Variants in LRMDA observed in about 807,000 individuals in gnomAD.
LRMDA encodes leucine-rich melanocyte differentiation-associated protein.
In LRMDA, 18 loss-of-function variants were observed where a neutral mutation model predicts 29.8. That is an observed-to-expected ratio of 0.60 (90% CI 0.42 to 0.90). The LOEUF (loss-of-function observed/expected upper bound fraction) is 0.90. Among genes scored for constraint, LRMDA ranks in the 40% least tolerant of loss-of-function variants. The pLI, the probability that LRMDA is intolerant of heterozygous loss-of-function variation, is 0.00. For synonymous variants in LRMDA, 125 were observed against 109.4 expected, an observed-to-expected ratio of 1.14 and a Z score of -0.89; for missense variants, 273 against 273.9, an observed-to-expected ratio of 1.00 and a Z score of 0.02.
chr10:76,235,768 A>G (rs1208143573), intron 5 of LRMDA, among the ~76,000 whole-genome samples: 1 of 152,214 alleles, frequency 6.6e-6, no homozygotes, highest in Non-Finnish European at 1.5e-5. Context: ...TGTATGACGA[A>G]TAAGGGTTGT....
intron 5 of LRMDA, among the ~76,000 whole-genome samples, chr10:76,246,992 G>A (rs80199026): frequency 0.058 from 8,895 of 152,190 alleles, 352 homozygotes; most frequent in African/African-American, 0.1. Context: ...GAAAACAATG[G>A]ATTTAAATGC....
intron 6 of LRMDA, among the ~76,000 whole-genome samples, chr10:76,505,479 A>G (rs1026848656): frequency 1.3e-5 from 2 of 152,026 alleles, no homozygotes; most frequent in South Asian, 2.1e-4. Context: ...TTTTTAAAAA[A>G]TTTTTATCTG....
intron 2 of LRMDA, among the ~76,000 whole-genome samples, chr10:75,862,852 G>A (rs1281534895): frequency 6.6e-6 from 1 of 152,142 alleles, no homozygotes; most frequent in African/African-American, 2.4e-5. Flanking sequence ...TTAGCATGGT[G>A]TCTACAGCCT....
chr10:75,526,870 A>AC (rs1336704885), intron 2 of LRMDA, among the ~76,000 whole-genome samples: 1 of 152,126 alleles, frequency 6.6e-6, no homozygotes, highest in Non-Finnish European at 1.5e-5. Flanking sequence ...AAAAAAAAAA[A>AC]AACAAAACAT....
At chr10:75,913,136 G>A (rs569314995) in intron 2 of LRMDA, among the ~76,000 whole-genome samples, 121 of 152,162 alleles carry the variant, frequency 8.0e-4, no homozygotes, top group African/African-American at 2.8e-3. Context: ...GATTGATAAA[G>A]ACAAACATGT....
At chr10:76,283,842 T>G (rs1840236990) in intron 5 of LRMDA, among the ~76,000 whole-genome samples, 1 of 152,150 alleles carries the variant, frequency 6.6e-6, no homozygotes, top group African/African-American at 2.4e-5. Flanking sequence ...TCTTTTTCTT[T>G]TTAAATGGAG....
intron 2 of LRMDA, among the ~76,000 whole-genome samples, chr10:75,739,408 G>T (rs1012764253): frequency 2.0e-5 from 3 of 152,142 alleles, no homozygotes; most frequent in African/African-American, 4.8e-5. Flanking sequence ...AAATTCATAT[G>T]CTGGGGAAAA....
In LRMDA at chr10:75,756,709, C is replaced by G. The variant is rs115049208; in HGVS notation, c.132-279299C>G. Among the ~76,000 whole-genome samples the G allele has an allele frequency of 9.1e-3, 1,379 of 152,290 alleles. 17 individuals carry two copies. Among genetic ancestry groups the G allele is most frequent in the African/African-American group, 0.032 (1,320 of 41,542 alleles). On this transcript the variant is annotated intron_variant, in intron 2 of 6. Transcript: ENST00000611255. ...CTTTGCCTACATGTTTTCTCTTAAT[C>G]TGTACAAGTCATGTGGGCTGGTATC... is the stretch of plus-strand genomic sequence containing the variant.
chr10:75,785,477 A>G (rs1003069510), intron 2 of LRMDA, among the ~76,000 whole-genome samples: 4 of 152,220 alleles, frequency 2.6e-5, no homozygotes, highest in Non-Finnish European at 5.9e-5. Flanking sequence ...CTGCAGGGGC[A>G]TGATGGCTAT....
rs530620161 is a variant in LRMDA, at chr10:75,452,450, T to C, written c.131+13956T>C. 2.6e-5 allele frequency among the ~76,000 whole-genome samples: 4 copies of C among 151,762 alleles called. No individual in the cohort carries two copies. The South Asian group carries it at 8.3e-4, about 32-fold the overall frequency. On this transcript the variant is annotated intron_variant, in intron 2 of 6. Transcript: ENST00000611255. ...TTTTCTTGCAAATTTTAGAACAGGA[T>C]TTTTTTTTCCCCTTTGCTTCTTGCC...
At chr10:76,470,299 T>G (rs1842604961) in intron 6 of LRMDA, 1 of 152,064 alleles carries the variant, frequency 6.6e-6, no homozygotes. Context: ...AAAAAGATAG[T>G]ATAAATACAT....
chr10:76,292,817 C>G (rs549069362), intron 5 of LRMDA, among the ~76,000 whole-genome samples: 1 of 152,044 alleles, frequency 6.6e-6, no homozygotes, highest in East Asian at 1.9e-4. Flanking sequence ...AGAGAAGTGT[C>G]ATACTATCCC....
intron 5 of LRMDA, among the ~76,000 whole-genome samples, chr10:76,250,649 A>G (rs544205063): frequency 7.7e-4 from 117 of 152,318 alleles, no homozygotes; most frequent in African/African-American, 2.4e-3. Context: ...CTGATGAATA[A>G]GTATTAAAAC....
intron 5 of LRMDA, among the ~76,000 whole-genome samples, chr10:76,264,909 A>G (rs1369939637): frequency 3.3e-5 from 5 of 152,202 alleles, no homozygotes; most frequent in Admixed American, 6.5e-5. Context: ...TGATAGTGCA[A>G]CCTTTCACTG....
chr10:76,376,845 T>C (rs903051948), intron 6 of LRMDA, among the ~76,000 whole-genome samples: 4 of 146,534 alleles, frequency 2.7e-5, no homozygotes, highest in African/African-American at 1.0e-4. Context: ...TTTTCAAATG[T>C]TTGTTGGGCA....
At position 76,391,747 on chromosome 10, in the gene LRMDA, C is replaced by T. The variant is rs1478703658; in HGVS notation, c.601+67262C>T. On this transcript the variant is annotated intron_variant, in intron 6 of 6. Transcript: ENST00000611255. ...ATAATGAAAGCTTTGGATAGCCCAG[C>T]TCCTGATTCTCATAGCTCTTGTCTT... Among the ~76,000 whole-genome samples the T allele has an allele frequency of 2.0e-5, 3 of 152,278 alleles. No homozygotes were observed. In the East Asian group the frequency reaches 5.8e-4, roughly 29 times the overall value.
intron 5 of LRMDA, among the ~76,000 whole-genome samples, chr10:76,109,978 T>A (rs1197554457): frequency 6.6e-5 from 10 of 152,168 alleles, no homozygotes. Flanking sequence ...GGGCTGTACT[T>A]TCTTTCTTGG....
intron 2 of LRMDA, among the ~76,000 whole-genome samples, chr10:75,799,160 T>C (rs1843704136): frequency 6.6e-6 from 1 of 152,234 alleles, no homozygotes; most frequent in African/African-American, 2.4e-5. Context: ...CAGGCATGTT[T>C]ATTCTTTAAC....
intron 6 of LRMDA, among the ~76,000 whole-genome samples, chr10:76,520,371 T>C (rs1375838684): frequency 3.3e-5 from 5 of 152,106 alleles, no homozygotes; most frequent in Non-Finnish European, 5.9e-5. Context: ...TTTTGCTCCT[T>C]TTTATTGGAT....
Sources: allele counts gnomAD v4.1 joint callset (sites outside exome capture counted in the v4.1 genomes callset), GRCh38; gene constraint gnomAD v4.1.1; transcripts MANE v1.5; gene names NCBI Gene and HGNC (gene_info 2026-07-23, HGNC 2026-07-21).